Variants in ANO10 observed in about 807,000 individuals in gnomAD.
ANO10 encodes the protein anoctamin 10, also known as anoctamin-10.
In ANO10, 77 loss-of-function variants were observed where a neutral mutation model predicts 74.7. That is an observed-to-expected ratio of 1.03 (90% CI 0.86 to 1.25). The LOEUF (loss-of-function observed/expected upper bound fraction) is 1.25, where lower values mean the gene tolerates loss of function less well. ANO10 is among the 50% of genes most tolerant of loss of function. The pLI is 0.00. For missense variants in ANO10, 721 were observed against 778.1 expected (o/e 0.93, Z 0.87); for synonymous variants, 279 against 284.9 (o/e 0.98, Z 0.21).
intron 11 of ANO10, among the ~76,000 whole-genome samples, chr3:43,489,531 T>C (rs1018051130): frequency 6.6e-6 from 1 of 152,090 alleles, no homozygotes; most frequent in East Asian, 1.9e-4. Context: ...AGTGAACCTT[T>C]AGAGGGCCAA....
chr3:43,473,955 A>G (rs899411234), intron 11 of ANO10, among the ~76,000 whole-genome samples: 3 of 152,148 alleles, frequency 2.0e-5, no homozygotes, highest in African/African-American at 7.2e-5. Flanking sequence ...TGGGCTGAGG[A>G]GGGTTCAGAG....
At chr3:43,545,279 T>C (rs1445279911) in intron 11 of ANO10, among the ~76,000 whole-genome samples, 3 of 152,192 alleles carry the variant, frequency 2.0e-5, no homozygotes, top group Non-Finnish European at 4.4e-5. Context: ...AATTTTAAGA[T>C]TTAATTTCCT....
chr3:43,531,301 C>T (rs754831600), intron 11 of ANO10, among the ~76,000 whole-genome samples: 10 of 152,120 alleles, frequency 6.6e-5, no homozygotes, highest in Non-Finnish European at 1.2e-4. Flanking sequence ...CTGGCTTAAT[C>T]TTTATCTAAA....
intron 1 of ANO10, among the ~76,000 whole-genome samples, chr3:43,675,571 C>T (rs758488221): frequency 2.0e-5 from 3 of 151,760 alleles, no homozygotes; most frequent in Non-Finnish European, 4.4e-5. Context: ...TGAATTGATA[C>T]CTCATTTTGA....
chr3:43,603,112 T>C (rs1348976260), intron 2 of ANO10, among the ~76,000 whole-genome samples: 1 of 152,208 alleles, frequency 6.6e-6, no homozygotes, highest in Non-Finnish European at 1.5e-5. Flanking sequence ...TGTCATACTT[T>C]CCATTTTCCC....
At chr3:43,479,253 A>C (rs1323639186) in intron 11 of ANO10, among the ~76,000 whole-genome samples, 1 of 152,234 alleles carries the variant, frequency 6.6e-6, no homozygotes, top group Non-Finnish European at 1.5e-5. Context: ...TGTGGTAAAA[A>C]CACACAGTCC....
Position 43,555,276 on chromosome 3 carries a change from AC to A in ANO10, c.1668+1del. The A allele has an allele frequency of 1.2e-6, 2 of 1,613,838 alleles. No homozygotes were observed. The highest frequency in any genetic ancestry group is 1.7e-6 in the Non-Finnish European group (2 of 1,179,758). On this transcript the variant is annotated splice_donor_variant, in intron 10 of 12. Coordinates refer to ENST00000292246, the MANE Select transcript of ANO10 (RefSeq NM_018075.5). LOFTEE classifies it high-confidence loss of function. ...GGAATAATTTTTTTCTCAAACAATTACCTGCCACACACCAATATTGGCTGAA... is the reference window on the plus strand; with the variant it reads ...GGAATAATTTTTTTCTCAAACAATTACTGCCACACACCAATATTGGCTGAA...
chr3:43,567,641 T>G (rs2080441746), intron 7 of ANO10, among the ~76,000 whole-genome samples: 1 of 151,478 alleles, frequency 6.6e-6, no homozygotes, highest in Non-Finnish European at 1.5e-5. Flanking sequence ...GCTGAGAGAT[T>G]TTGTCACCAC....
chr3:43,544,769 G>T (rs1235117161), intron 11 of ANO10, among the ~76,000 whole-genome samples: 1 of 149,700 alleles, frequency 6.7e-6, no homozygotes, highest in African/African-American at 2.5e-5. Flanking sequence ...CTCCAGCCTG[G>T]GTGACAGAGC....
intron 12 of ANO10, among the ~76,000 whole-genome samples, chr3:43,425,638 A>G (rs1467594644): frequency 2.6e-5 from 4 of 152,134 alleles, no homozygotes; most frequent in African/African-American, 9.7e-5. Flanking sequence ...CAGCATTAAC[A>G]TTAAAATAGA....
intron 12 of ANO10, among the ~76,000 whole-genome samples, chr3:43,388,183 T>G (rs1274483184): frequency 5.9e-5 from 9 of 152,184 alleles, no homozygotes; most frequent in Non-Finnish European, 1.2e-4. Context: ...TAACAACCCC[T>G]GTGTACAGCC....
At chr3:43,416,125 G>C (rs1032118638) in intron 12 of ANO10, among the ~76,000 whole-genome samples, 4 of 152,048 alleles carry the variant, frequency 2.6e-5, no homozygotes, top group African/African-American at 9.7e-5. Flanking sequence ...CAGACATTTG[G>C]CAGTTCATTT....
rs2080332379 is a variant in ANO10 at position 43,566,244 on chromosome 3, C to G, written c.1219-517G>C. ...AGTCTGAGATCAAACTGCAAGGCGG[C>G]AGCGAGGCTGGGGGAGGGGCGCCCG... On this transcript the variant is annotated intron_variant, in intron 7 of 12. Transcript: ENST00000292246. Among the ~76,000 whole-genome samples, 3 of 152,316 alleles carry G rather than the reference C, an allele frequency of 2.0e-5. No individual in the cohort carries two copies. In the South Asian group the frequency reaches 6.2e-4, roughly 32 times the overall value.
At position 43,576,833 on chromosome 3, in the gene ANO10, C is replaced by G. The variant is rs1322395258; in HGVS notation, c.1021G>C (p.Val341Leu). 11 of 1,614,048 alleles carry G rather than the reference C, an allele frequency of 6.8e-6. No homozygotes were observed. Among genetic ancestry groups the G allele is most frequent in the Non-Finnish European group, 9.3e-6 (11 of 1,180,018 alleles). The change falls in exon 6 of 13, where the codon GTT becomes CTT. Residue 341 changes from valine (V) to leucine (L), a missense_variant. Val to Leu is a conservative substitution (Grantham distance 32). Coordinates refer to ENST00000292246, the MANE Select transcript of ANO10 (RefSeq NM_018075.5). ...YVMMIYFDME[V>L]WALGLHENSG... The stretch of plus-strand genomic sequence containing the variant: ...TTCTCATGTAGACCCAAGGCCCAAA[C>G]CTCCATGTCGAAGTAAATCATCATG...
At chr3:43,572,795 T>C (rs2080801303) in intron 7 of ANO10, among the ~76,000 whole-genome samples, 1 of 152,072 alleles carries the variant, frequency 6.6e-6, no homozygotes, top group Admixed American at 6.6e-5. Context: ...CAGGTGTGAG[T>C]GCTTAATTAC....
At chr3:43,581,895 C>T (rs951272750) in intron 4 of ANO10, among the ~76,000 whole-genome samples, 2 of 148,426 alleles carry the variant, frequency 1.3e-5, no homozygotes, top group African/African-American at 2.5e-5. Flanking sequence ...CACTGCAGTC[C>T]GGCCTGGGCA....
At chr3:43,586,651 CA>C (rs1056298055) in intron 4 of ANO10, among the ~76,000 whole-genome samples, 2 of 151,728 alleles carry the variant, frequency 1.3e-5, no homozygotes, top group Non-Finnish European at 2.9e-5. Flanking sequence ...AATATATAAA[CA>C]AAAGTCAAAG....
intron 11 of ANO10, among the ~76,000 whole-genome samples, chr3:43,530,874 A>ATGTGTGTG (rs140115664): frequency 6.6e-6 from 1 of 150,830 alleles, no homozygotes; most frequent in Non-Finnish European, 1.5e-5. Flanking sequence ...GCTGGGACTA[A>ATGTGTGTG]TGTGTGTGTG....
At chr3:43,662,934 C>T (rs2083943743) in intron 1 of ANO10, among the ~76,000 whole-genome samples, 1 of 152,132 alleles carries the variant, frequency 6.6e-6, no homozygotes, top group Non-Finnish European at 1.5e-5. Flanking sequence ...CAAGACCAGA[C>T]AGATTCACAG....
Sources: allele counts gnomAD v4.1 joint callset (sites outside exome capture counted in the v4.1 genomes callset), GRCh38; gene constraint gnomAD v4.1.1; transcripts MANE v1.5; gene names NCBI Gene and HGNC (gene_info 2026-07-23, HGNC 2026-07-21).